Variants in KLRF1 observed in about 807,000 individuals in gnomAD.
The protein encoded by KLRF1 is killer cell lectin-like receptor subfamily F member 1.
KLRF1 carries 27 observed loss-of-function variants against 30.7 expected under a neutral mutation model. The ratio of observed to expected loss-of-function variants is 0.88; its 90% confidence interval spans 0.65 to 1.21. The LOEUF is 1.21. Ranked by LOEUF, KLRF1 falls within the 50% of genes most tolerant of loss-of-function variation. The probability of loss-of-function intolerance (pLI) is 0.00; values close to 1 mark genes in which losing one functional copy is unlikely to be tolerated. For synonymous variants in KLRF1, 92 were observed against 89.3 expected, an observed-to-expected ratio of 1.03 and a Z score of -0.17; for missense variants, 246 against 259.3, an observed-to-expected ratio of 0.95 and a Z score of 0.35.
intron 3 of KLRF1, among the ~76,000 whole-genome samples, chr12:9,834,712 T>A (rs111687008): frequency 5.3e-4 from 80 of 152,254 alleles, no homozygotes; most frequent in African/African-American, 1.8e-3. Context: ...GTACATCCAA[T>A]TAGAGAGTGT....
chr12:9,831,322 C>A (rs1867422895), intron 1 of KLRF1, among the ~76,000 whole-genome samples: 1 of 151,942 alleles, frequency 6.6e-6, no homozygotes, highest in South Asian at 2.1e-4. Context: ...ATAAGAGAAA[C>A]CCTGCGAACT....
chr12:9,834,731 G>A (rs759036249), intron 3 of KLRF1, among the ~76,000 whole-genome samples: 3 of 152,088 alleles, frequency 2.0e-5, no homozygotes, highest in Non-Finnish European at 4.4e-5. Flanking sequence ...GTCCAAGGGC[G>A]TTCAGCATAA....
upstream of KLRF1, among the ~76,000 whole-genome samples, chr12:9,824,916 G>A (rs766727717): frequency 2.0e-5 from 3 of 152,166 alleles, no homozygotes; most frequent in African/African-American, 7.2e-5. Flanking sequence ...CAACCAGGGA[G>A]GTGAAAGAGC....
At chr12:9,813,317 A>G in the KLRF1 span, among the ~76,000 whole-genome samples, 39 of 152,102 alleles carry the variant, frequency 2.6e-4, no homozygotes, top group Admixed American at 5.9e-4. Flanking sequence ...AAATTAATTA[A>G]TTATTTTCGA....
At chr12:9,837,590 T>A (rs1867606844) in intron 3 of KLRF1, among the ~76,000 whole-genome samples, 1 of 152,170 alleles carries the variant, frequency 6.6e-6, no homozygotes, top group South Asian at 2.1e-4. Context: ...TCCTTATTCA[T>A]GAAACAGCTC....
the KLRF1 span, among the ~76,000 whole-genome samples, chr12:9,814,360 G>A: frequency 6.6e-6 from 1 of 152,198 alleles, no homozygotes; most frequent in Non-Finnish European, 1.5e-5. Flanking sequence ...CACCACCCAA[G>A]CACGCCGCTG....
the KLRF1 span, among the ~76,000 whole-genome samples, chr12:9,807,264 A>G: frequency 3.9e-4 from 59 of 152,134 alleles, no homozygotes; most frequent in Non-Finnish European, 1.9e-4. Context: ...ACCAAAGAAT[A>G]AATTATTGTG....
rs767064263 is a variant in KLRF1 at position 9,842,476 on chromosome 12, A to G, written c.587+43A>G. On this transcript the variant is annotated intron_variant, in intron 5 of 5. Coordinates refer to ENST00000617889, the MANE Select transcript of KLRF1 (RefSeq NM_016523.3). ...GGCAATCTGATTTATTGTTTATTGT[A>G]GAATATGTCTCCTCCAGGTTCACCA... is the stretch of plus-strand genomic sequence containing the variant. 7.6e-6 allele frequency: 12 copies of G among 1,579,128 alleles called. No individual in the cohort carries two copies. The East Asian group carries it at 2.5e-4, about 33-fold the overall frequency.
At chr12:9,817,432 G>A in the KLRF1 span, 10 of 431,330 alleles carry the variant, frequency 2.3e-5, no homozygotes, top group African/African-American at 4.4e-5. Context: ...TATCACAGAC[G>A]GAGCTGTTAA....
the KLRF1 span, among the ~76,000 whole-genome samples, chr12:9,800,689 G>A: frequency 6.6e-6 from 1 of 151,666 alleles, no homozygotes; most frequent in African/African-American, 2.4e-5. Context: ...TCAGATCTTT[G>A]GCCCATTTTT....
chr12:9,842,403 G>C lies in KLRF1; in HGVS notation c.557G>C (p.Trp186Ser). 6.2e-7 allele frequency: 1 copy of C among 1,612,308 alleles called. No homozygotes were observed. Among genetic ancestry groups the C allele is most frequent in the Non-Finnish European group, 8.5e-7 (1 of 1,178,882 alleles). The change falls in exon 5 of 6, where the codon TGG (tryptophan) becomes TCG (serine). Residue 186 changes from tryptophan to serine, a missense_variant. Coordinates refer to ENST00000617889, the MANE Select transcript of KLRF1 (RefSeq NM_016523.3). ...ACCTCCTTGAAAATGACATGGACTT[G>C]GGTGGATGGTTCTCCAATAGATTCA... Reference protein sequence around the residue: ...NFTSLKMTWTWVDGSPIDSKI... With the variant: ...NFTSLKMTWTSVDGSPIDSKI...
chr12:9,811,613 G>A, the KLRF1 span, among the ~76,000 whole-genome samples: 8 of 152,232 alleles, frequency 5.3e-5, no homozygotes, highest in African/African-American at 1.7e-4. Flanking sequence ...GATATTAGGC[G>A]GAATTGGATC....
In KLRF1 at chr12:9,833,901, C is replaced by CTTTTTTTTTTTTTTTTTTTTTTTTT. The variant is rs35443913; in HGVS notation, c.334+450_334+474dup. Among the ~76,000 whole-genome samples the CTTTTTTTTTTTTTTTTTTTTTTTTT allele has an allele frequency of 1.5e-4, 12 of 82,404 alleles. 1 individual carries two copies. The highest frequency in any genetic ancestry group is 3.9e-4 in the African/African-American group (7 of 18,062). 54.1% of individuals were successfully genotyped at this position (82,404 alleles called of 152,430 possible). ...TTACCTTCTATTTTTAAATGTTTAA[C>CTTTTTTTTTTTTTTTTTTTTTTTTT]TTTTTTTTTTTTTTTTTTTTTTTTT... On this transcript the variant is annotated intron_variant, in intron 3 of 5. Coordinates refer to ENST00000617889, the MANE Select transcript of KLRF1 (RefSeq NM_016523.3).
At chr12:9,843,736 C>T (rs1867752944) in intron 5 of KLRF1, among the ~76,000 whole-genome samples, 2 of 152,196 alleles carry the variant, frequency 1.3e-5, no homozygotes, top group South Asian at 2.1e-4. Context: ...AAACTAAACT[C>T]GGACAAAGTG....
chr12:9,834,419 C>T (rs1343495274), intron 3 of KLRF1, among the ~76,000 whole-genome samples: 4 of 151,544 alleles, frequency 2.6e-5, no homozygotes, highest in Non-Finnish European at 5.9e-5. Flanking sequence ...AATTTGGGTG[C>T]GGGGGGTAGC....
rs115267072 is a variant in KLRF1 at position 9,829,686 on chromosome 12, G to A, written c.85+2057G>A. Among the ~76,000 whole-genome samples the A allele has an allele frequency of 7.6e-3, 1,158 of 152,232 alleles. 15 individuals are homozygous for A. The highest frequency in any genetic ancestry group is 0.026 in the African/African-American group (1,094 of 41,534). On this transcript the variant is annotated intron_variant, in intron 1 of 5. Coordinates refer to ENST00000617889, the MANE Select transcript of KLRF1 (RefSeq NM_016523.3). ...CAGGAGGGAGGATCTCTGAGCCCAG[G>A]AGCTCAAGGTTACAAAGAGCTCTAA...
chr12:9,801,380 G>T, the KLRF1 span, among the ~76,000 whole-genome samples: 1 of 151,910 alleles, frequency 6.6e-6, no homozygotes, highest in African/African-American at 2.4e-5. Flanking sequence ...GGATTGCTGG[G>T]TCAAATGGTA....
chr12:9,813,224 A>C, the KLRF1 span, among the ~76,000 whole-genome samples: 1 of 152,116 alleles, frequency 6.6e-6, no homozygotes, highest in Non-Finnish European at 1.5e-5. Context: ...ATATGTATAC[A>C]TGTGCCATGC....
At chr12:9,832,683 GT>G (rs1565505463) in intron 2 of KLRF1, among the ~76,000 whole-genome samples, 6 of 150,910 alleles carry the variant, frequency 4.0e-5, no homozygotes, top group Admixed American at 1.3e-4. Flanking sequence ...GTGTGTGTGT[GT>G]GTGTATGTGT....
Sources: allele counts gnomAD v4.1 joint callset (sites outside exome capture counted in the v4.1 genomes callset), GRCh38; gene constraint gnomAD v4.1.1; transcripts MANE v1.5; gene names NCBI Gene and HGNC (gene_info 2026-07-23, HGNC 2026-07-21).